The following DROSHA variants were observed in gnomAD, a reference collection of about 807,000 sequenced individuals.
DROSHA encodes drosha ribonuclease III.
In DROSHA, 56 loss-of-function variants were observed where a neutral mutation model predicts 181.9. That is an observed-to-expected ratio of 0.31 (90% CI 0.25 to 0.38). DROSHA has a LOEUF of 0.38. DROSHA is among the 10% of genes least tolerant of loss of function. The pLI is 1.00. For synonymous variants in DROSHA, 524 were observed against 591.2 expected (o/e 0.89, Z 1.65); for missense variants, 1,218 against 1,743.5 (o/e 0.70, Z 5.37).
chr5:31,405,537 T>C (rs1259742112), intron 35 of DROSHA, 140 bp downstream of exon 35: 9 of 806,352 alleles, frequency 1.1e-5, no homozygotes, highest in African/African-American at 1.8e-5. Flanking sequence ...CATTCTACTA[T>C]ATTCTCTGTG....
At chr5:31,416,642 G>T (rs1741985967) in intron 30 of DROSHA, among the ~76,000 whole-genome samples, 1 of 152,140 alleles carries the variant, frequency 6.6e-6, no homozygotes, top group Non-Finnish European at 1.5e-5. Flanking sequence ...TAAAAGTAAG[G>T]GCTAGAACAG....
chr5:31,468,187 T>A, intron 17 of DROSHA, 124 bp from the exon 18 acceptor site: 1 of 1,143,002 alleles, frequency 8.7e-7, no homozygotes, highest in Non-Finnish European at 1.2e-6. Flanking sequence ...AGGGAAAAGG[T>A]CATTTAAAAC....
chr5:31,473,341 A>G (rs1749969555), intron 16 of DROSHA, among the ~76,000 whole-genome samples: 1 of 152,204 alleles, frequency 6.6e-6, no homozygotes, highest in Admixed American at 6.5e-5. Flanking sequence ...AAGAGAGAAA[A>G]TATCAACATT....
intron 23 of DROSHA, among the ~76,000 whole-genome samples, chr5:31,447,635 T>C (rs559852049): frequency 3.9e-5 from 6 of 152,192 alleles, no homozygotes; most frequent in Non-Finnish European, 8.8e-5. Context: ...AGAATATATT[T>C]AAAAACTACT....
At chr5:31,428,083 A>G (rs1182694589) in intron 27 of DROSHA, among the ~76,000 whole-genome samples, 1 of 152,250 alleles carries the variant, frequency 6.6e-6, no homozygotes, top group Non-Finnish European at 1.5e-5. Context: ...TGCACATGCC[A>G]GCATTGCACT....
rs749820255 is a variant in DROSHA at position 31,526,191 on chromosome 5, C to G, written c.742G>C (p.Asp248His). ...GGACTGCGGCCTCGCTCCCGCCGAT[C>G]CAGGGACCGATGCCTCTCACCTCGC... ...HGRGERHRSLDRRERGRSPDR... is the reference protein window; with the variant it reads ...HGRGERHRSLHRRERGRSPDR... The change falls in exon 5 of 36, where the codon GAT becomes CAT. Residue 248 changes from aspartate to histidine, a missense_variant. By Grantham distance (81) the Asp-to-His change is moderately conservative. Coordinates refer to ENST00000344624, the MANE Select transcript of DROSHA (RefSeq NM_001382508.1). 24 of 1,613,772 alleles carry G rather than the reference C, an allele frequency of 1.5e-5. 1 individual carries two copies. The Admixed American group carries it at 3.7e-4, about 25-fold the overall frequency.
At chr5:31,426,950 A>T (rs1041327200) in intron 27 of DROSHA, among the ~76,000 whole-genome samples, 1 of 152,204 alleles carries the variant, frequency 6.6e-6, no homozygotes, top group African/African-American at 2.4e-5. Context: ...CAGAATTGAT[A>T]GACTCTTGCA....
intron 35 of DROSHA, among the ~76,000 whole-genome samples, chr5:31,404,441 CTT>C (rs1485446853): frequency 5.3e-5 from 8 of 152,200 alleles, no homozygotes; most frequent in South Asian, 4.1e-4. Flanking sequence ...GAACAGGAAA[CTT>C]TGCTGATTTC....
intron 6 of DROSHA, among the ~76,000 whole-genome samples, chr5:31,519,091 C>A (rs1307935185): frequency 1.3e-5 from 2 of 152,110 alleles, no homozygotes; most frequent in Non-Finnish European, 2.9e-5. Flanking sequence ...GGTAAATTTT[C>A]CCCCTCACAG....
At position 31,409,157 on chromosome 5, in the gene DROSHA, C is replaced by T. The variant is rs186198647; in HGVS notation, c.3753G>A (p.Glu1251=). 3.0e-5 allele frequency: 48 copies of T among 1,613,692 alleles called. No homozygotes were observed. In the East Asian group the frequency reaches 1.0e-3, roughly 34 times the overall value. ...CATTCCAATCCTGATTCAAAATGAA[C>T]TCCTGTGGAAGTCCCCCAAAACTAT... ...MNVCFFPRLK[E]FILNQDWNDP... Residue 1251 remains glutamate, a splice_region_variant and synonymous_variant, in exon 33 of 36, where the codon GAG becomes GAA. Coordinates refer to ENST00000344624, the MANE Select transcript of DROSHA (RefSeq NM_001382508.1). The surrounding 1 kb of genome is among the most constrained non-coding windows in gnomAD (Gnocchi z 4.0).
At chr5:31,480,490 C>T (rs1318121393) in intron 16 of DROSHA, among the ~76,000 whole-genome samples, 2 of 152,002 alleles carry the variant, frequency 1.3e-5, no homozygotes, top group African/African-American at 4.8e-5. Flanking sequence ...TTCTTGGAAG[C>T]TACTAATCTT....
intron 20 of DROSHA, among the ~76,000 whole-genome samples, chr5:31,452,602 T>C (rs1747161210): frequency 6.6e-6 from 1 of 152,246 alleles, no homozygotes; most frequent in Admixed American, 6.5e-5. Flanking sequence ...ATATGCTTTA[T>C]ATTATTTCAG....
intron 6 of DROSHA, among the ~76,000 whole-genome samples, chr5:31,520,616 G>T (rs1337403044): frequency 1.3e-5 from 2 of 152,082 alleles, no homozygotes; most frequent in African/African-American, 4.8e-5. Flanking sequence ...AATTGGGAGA[G>T]CTAATAACTG....
intron 6 of DROSHA, among the ~76,000 whole-genome samples, chr5:31,520,553 A>G (rs1011082529): frequency 1.3e-5 from 2 of 152,158 alleles, no homozygotes; most frequent in African/African-American, 2.4e-5. Context: ...GAAGGTACAT[A>G]TAACTGTCCT....
intron 27 of DROSHA, among the ~76,000 whole-genome samples, chr5:31,426,747 A>G (rs574958598): frequency 6.6e-6 from 1 of 152,206 alleles, no homozygotes; most frequent in Non-Finnish European, 1.5e-5. Context: ...TATGTAGTAT[A>G]TAGAGCTTGG....
At chr5:31,508,018 C>G (rs898231658) in intron 10 of DROSHA, among the ~76,000 whole-genome samples, 7 of 152,106 alleles carry the variant, frequency 4.6e-5, no homozygotes, top group Non-Finnish European at 8.8e-5. Context: ...TATCTTTTTA[C>G]AGATATGCCT....
At chr5:31,426,949 TAG>T (rs1260627492) in intron 27 of DROSHA, among the ~76,000 whole-genome samples, 1 of 152,138 alleles carries the variant, frequency 6.6e-6, no homozygotes, top group Non-Finnish European at 1.5e-5. Flanking sequence ...TCAGAATTGA[TAG>T]ACTCTTGCAA....
chr5:31,443,581 T>C (rs1412501105), intron 23 of DROSHA, among the ~76,000 whole-genome samples: 3 of 152,150 alleles, frequency 2.0e-5, no homozygotes, highest in Non-Finnish European at 4.4e-5. Flanking sequence ...GGTTAAACAG[T>C]GACATTTTAA....
intron 12 of DROSHA, among the ~76,000 whole-genome samples, chr5:31,494,256 C>T (rs1012665529): frequency 6.6e-6 from 1 of 152,028 alleles, no homozygotes; most frequent in Non-Finnish European, 1.5e-5. Context: ...GCATGAGCCA[C>T]CAGGCCCAGC....
Sources: allele counts gnomAD v4.1 joint callset (sites outside exome capture counted in the v4.1 genomes callset), GRCh38; gene constraint gnomAD v4.1.1; non-coding constraint Gnocchi (gnomAD v3.1); transcripts MANE v1.5; gene names NCBI Gene and HGNC (gene_info 2026-07-23, HGNC 2026-07-21).